Variants in PCMT1 observed in about 807,000 individuals in gnomAD.
PCMT1 encodes protein-L-isoaspartate(D-aspartate) O-methyltransferase.
PCMT1 carries 9 observed loss-of-function variants against 29.2 expected under a neutral mutation model. The ratio of observed to expected loss-of-function variants is 0.31; its 90% CI spans 0.19 to 0.54. PCMT1 has a LOEUF of 0.54. Among genes scored for constraint, PCMT1 ranks in the 20% least tolerant of loss-of-function variants. The pLI, the probability that PCMT1 is intolerant of heterozygous loss-of-function variation, is 0.95. For synonymous variants in PCMT1, 98 were observed against 97.5 expected, an observed-to-expected ratio of 1.00 and a Z score of -0.03; for missense variants, 184 against 282.2, an observed-to-expected ratio of 0.65 and a Z score of 2.49.
intron 1 of PCMT1, among the ~76,000 whole-genome samples, chr6:149,751,938 G>A (rs1159598935): frequency 6.6e-6 from 1 of 150,702 alleles, no homozygotes; most frequent in East Asian, 2.0e-4. Flanking sequence ...AGTGGTGTGA[G>A]CTCGGCTCAC....
chr6:149,786,791 T>C (rs1311388073), intron 3 of PCMT1, among the ~76,000 whole-genome samples: 2 of 143,040 alleles, frequency 1.4e-5, no homozygotes, highest in African/African-American at 5.4e-5. Context: ...ACTTCCTAGA[T>C]GGGATGGTGG....
rs564503357 is a variant in PCMT1, at chr6:149,807,593, A to G, written c.*38-3023A>G. ...ACTGTGTTGACCAGGCTGGTCTCAA[A>G]CTCCTGACATCAAGTGATCCACCCG... On this transcript the variant is annotated intron_variant, in intron 7 of 7. Coordinates refer to ENST00000464889, the MANE Select transcript of PCMT1 (RefSeq NM_001360452.2). Among the ~76,000 whole-genome samples the G allele has an allele frequency of 3.9e-4, 59 of 151,712 alleles. No homozygotes were observed. In the South Asian group the frequency reaches 0.012, roughly 31 times the overall value.
chr6:149,785,759 G>A (rs1185285173), intron 3 of PCMT1, among the ~76,000 whole-genome samples: 3 of 151,628 alleles, frequency 2.0e-5, no homozygotes, highest in East Asian at 3.9e-4. Context: ...CAAGGCAGAA[G>A]AATTTTTCTT....
chr6:149,803,002 G>A (rs1014113225), intron 7 of PCMT1, among the ~76,000 whole-genome samples: 7 of 137,274 alleles, frequency 5.1e-5, no homozygotes, highest in African/African-American at 7.8e-5. Flanking sequence ...GCAGTGGGCC[G>A]AGATTTTGAC....
intron 6 of PCMT1, chr6:149,796,712 T>C: frequency 2.3e-6 from 1 of 429,578 alleles, no homozygotes; most frequent in Non-Finnish European, 4.1e-6. Flanking sequence ...GTGGCGCTCA[T>C]ATTTGATCCA....
chr6:149,760,063 A>C (rs1356302677), intron 1 of PCMT1, among the ~76,000 whole-genome samples: 4 of 151,480 alleles, frequency 2.6e-5, no homozygotes, highest in African/African-American at 9.7e-5. Flanking sequence ...CATACTTTTC[A>C]TTTTCCCTCC....
At chr6:149,791,582 C>G (rs1378964238) in intron 4 of PCMT1, among the ~76,000 whole-genome samples, 1 of 152,194 alleles carries the variant, frequency 6.6e-6, no homozygotes, top group Non-Finnish European at 1.5e-5. Flanking sequence ...AATCAGCAGA[C>G]TTACTAGAAT....
intron 4 of PCMT1, among the ~76,000 whole-genome samples, chr6:149,792,558 G>A (rs950294214): frequency 2.0e-5 from 3 of 152,028 alleles, no homozygotes; most frequent in Non-Finnish European, 4.4e-5. Context: ...TGTCATCCAG[G>A]CTGGAGTGCA....
intron 3 of PCMT1, among the ~76,000 whole-genome samples, chr6:149,780,474 GA>G (rs945481789): frequency 1.2e-4 from 18 of 152,214 alleles, no homozygotes; most frequent in African/African-American, 4.3e-4. Flanking sequence ...CATCACTGCA[GA>G]AAGAAACCTT....
Position 149,787,327 on chromosome 6 carries a change from C to A in PCMT1, c.193-2627C>A, listed in dbSNP as rs1292034157. 3.0e-5 allele frequency among the ~76,000 whole-genome samples: 4 copies of A among 133,812 alleles called. 1 individual carries two copies. Among genetic ancestry groups the A allele is most frequent in the Non-Finnish European group, 6.5e-5 (4 of 61,800 alleles). 87.8% of individuals were successfully genotyped at this position (133,812 alleles called of 152,430 possible). A position where few individuals can be genotyped will look rare whatever the true frequency, so the allele number is the denominator to read the frequency against. On this transcript the variant is annotated intron_variant, in intron 3 of 7. Coordinates refer to ENST00000464889, the MANE Select transcript of PCMT1 (RefSeq NM_001360452.2). Reference sequence around the variant, plus strand: ...TGGGGAGAGGGAGAGGGAGAGGGAGCGGGAGCGGGAGCTGGCTGTTTTCAT... The same window carrying A: ...TGGGGAGAGGGAGAGGGAGAGGGAGAGGGAGCGGGAGCTGGCTGTTTTCAT...
chr6:149,794,030 G>C (rs1343566330), intron 5 of PCMT1, among the ~76,000 whole-genome samples: 1 of 151,962 alleles, frequency 6.6e-6, no homozygotes, highest in Non-Finnish European at 1.5e-5. Context: ...TCCCATCTGA[G>C]GTGTGCCTTT....
At chr6:149,766,111 A>G (rs1266846835) in intron 1 of PCMT1, among the ~76,000 whole-genome samples, 1 of 148,374 alleles carries the variant, frequency 6.7e-6, no homozygotes, top group Non-Finnish European at 1.5e-5. Context: ...TTTTAGTTGT[A>G]TTCTTTCTAC....
At chr6:149,773,291 G>A (rs1158657231) in intron 3 of PCMT1, 122 bp downstream of exon 3, 1 of 730,182 alleles carries the variant, frequency 1.4e-6, no homozygotes, top group African/African-American at 1.8e-5. Context: ...ATGTGAATTG[G>A]TAATGAACAT....
At chr6:149,781,918 C>T (rs1388017218) in intron 3 of PCMT1, among the ~76,000 whole-genome samples, 1 of 152,182 alleles carries the variant, frequency 6.6e-6, no homozygotes, top group Non-Finnish European at 1.5e-5. Context: ...TTCTTTACCT[C>T]AGCCCCTGGC....
chr6:149,794,510 C>CGGGA (rs1788516327), intron 5 of PCMT1, among the ~76,000 whole-genome samples: 2 of 152,024 alleles, frequency 1.3e-5, no homozygotes, highest in African/African-American at 4.8e-5. Flanking sequence ...CCTAGCTACT[C>CGGGA]GGGAGGCTGA....
intron 1 of PCMT1, among the ~76,000 whole-genome samples, chr6:149,767,050 A>AATACC (rs1316119664): frequency 2.6e-5 from 4 of 151,998 alleles, no homozygotes; most frequent in African/African-American, 9.7e-5. Context: ...CTCTGCTAAA[A>AATACC]ATACCAAACT....
chr6:149,805,392 G>A (rs996443262), intron 7 of PCMT1, among the ~76,000 whole-genome samples: 6 of 151,568 alleles, frequency 4.0e-5, no homozygotes, highest in South Asian at 2.1e-4. Flanking sequence ...AGGAGATCGA[G>A]ACCATCCTGG....
At position 149,802,187 on chromosome 6, in the gene PCMT1, T is replaced by C. The variant is rs776892408; in HGVS notation, c.505-13T>C. ...AACTTGGTGATGTATGTGCTTTTTTTTTTTTCTTTTAGCTAATAGATCAGT... is the reference window on the plus strand; with the variant it reads ...AACTTGGTGATGTATGTGCTTTTTTCTTTTTCTTTTAGCTAATAGATCAGT... On this transcript the variant is annotated splice_polypyrimidine_tract_variant and intron_variant, in intron 6 of 7. Coordinates refer to ENST00000464889, the MANE Select transcript of PCMT1 (RefSeq NM_001360452.2). 2 of 1,542,998 alleles carry C rather than the reference T, an allele frequency of 1.3e-6. No individual in the cohort carries two copies. The highest frequency in any genetic ancestry group is 2.8e-5 in the African/African-American group (2 of 71,818).
At chr6:149,784,425 A>G (rs1012587189) in intron 3 of PCMT1, among the ~76,000 whole-genome samples, 4 of 152,126 alleles carry the variant, frequency 2.6e-5, no homozygotes, top group African/African-American at 7.2e-5. Flanking sequence ...TAAATCACCC[A>G]GCTTTAATAA....
Sources: allele counts gnomAD v4.1 joint callset (sites outside exome capture counted in the v4.1 genomes callset), GRCh38; gene constraint gnomAD v4.1.1; transcripts MANE v1.5; gene names NCBI Gene and HGNC (gene_info 2026-07-23, HGNC 2026-07-21).